ELMO1: variants seen among roughly 807,000 people sequenced by gnomAD.
The protein encoded by ELMO1 is engulfment and cell motility 1.
Under a neutral mutation model 98.9 loss-of-function variants are expected in ELMO1, and 26 were observed. That is an observed-to-expected ratio of 0.26 (90% CI 0.19 to 0.36). ELMO1 has a LOEUF of 0.36. Among genes scored for constraint, ELMO1 ranks in the 10% least tolerant of loss-of-function variants. The pLI is 1.00. For synonymous variants in ELMO1, 346 were observed against 346.0 expected (o/e 1.00, Z 0.00); for missense variants, 627 against 935.2 (o/e 0.67, Z 4.30).
intron 1 of ELMO1, among the ~76,000 whole-genome samples, chr7:37,372,119 C>T (rs559337259): frequency 4.6e-5 from 7 of 151,734 alleles, no homozygotes; most frequent in Non-Finnish European, 1.0e-4. Flanking sequence ...ATTGCCTCTG[C>T]TCAGTTTCAG....
chr7:37,367,262 C>T (rs753975498), intron 1 of ELMO1, among the ~76,000 whole-genome samples: 1 of 152,214 alleles, frequency 6.6e-6, no homozygotes. Flanking sequence ...CACACACATT[C>T]CCAGTAATCC....
chr7:37,214,822 A>T (rs1340748663), intron 11 of ELMO1, among the ~76,000 whole-genome samples: 1 of 152,226 alleles, frequency 6.6e-6, no homozygotes, highest in Non-Finnish European at 1.5e-5. Flanking sequence ...GCAGGAGAGT[A>T]CCAACCTCGA....
chr7:37,448,989 A>G (rs1465793274), upstream of ELMO1: 1 of 152,000 alleles, frequency 6.6e-6, no homozygotes, highest in African/African-American at 2.4e-5. Context: ...TCTCCTCCCG[A>G]GCGGACGCTG....
At chr7:37,072,008 T>C (rs1022117655) in intron 15 of ELMO1, among the ~76,000 whole-genome samples, 4 of 152,224 alleles carry the variant, frequency 2.6e-5, no homozygotes, top group Non-Finnish European at 5.9e-5. Context: ...CAAGTTCTTC[T>C]TGAGAATGAG....
At chr7:37,148,727 A>T (rs1008512463) in intron 13 of ELMO1, among the ~76,000 whole-genome samples, 3 of 152,156 alleles carry the variant, frequency 2.0e-5, no homozygotes, top group Admixed American at 1.3e-4. Context: ...TGCATGGGGG[A>T]TTTGGAACAA....
At chr7:37,322,080 G>A (rs951985354) in intron 2 of ELMO1, among the ~76,000 whole-genome samples, 4 of 151,582 alleles carry the variant, frequency 2.6e-5, no homozygotes, top group African/African-American at 7.3e-5. Context: ...GACTGGTCTC[G>A]AACTCCTGAC....
chr7:36,890,359 C>A (rs751920182), intron 17 of ELMO1, among the ~76,000 whole-genome samples: 3 of 152,218 alleles, frequency 2.0e-5, no homozygotes, highest in Non-Finnish European at 4.4e-5. Flanking sequence ...GAGATTCCTT[C>A]TTTGACTTGG....
chr7:37,130,531 G>A (rs1786845394), intron 14 of ELMO1, among the ~76,000 whole-genome samples: 1 of 152,194 alleles, frequency 6.6e-6, no homozygotes, highest in African/African-American at 2.4e-5. Context: ...TCAAGGGCAA[G>A]GCCAACGAGA....
intron 2 of ELMO1, among the ~76,000 whole-genome samples, chr7:37,323,668 T>A (rs1017123166): frequency 2.6e-5 from 4 of 152,238 alleles, no homozygotes; most frequent in Non-Finnish European, 5.9e-5. Context: ...CCAAATTCTC[T>A]ACCAGCTGAT....
intron 8 of ELMO1, 118 bp downstream of exon 8, chr7:37,232,977 C>T (rs1222296806): frequency 1.2e-6 from 1 of 864,706 alleles, no homozygotes. Context: ...AAAAATCATA[C>T]CCATCTTTTA....
At chr7:37,265,795 G>C (rs1796209702) in intron 5 of ELMO1, among the ~76,000 whole-genome samples, 1 of 152,082 alleles carries the variant, frequency 6.6e-6, no homozygotes, top group Admixed American at 6.6e-5. Flanking sequence ...TCCCCATGGT[G>C]ACCTCTTCCA....
intron 16 of ELMO1, among the ~76,000 whole-genome samples, chr7:37,003,974 C>G (rs1366557265): frequency 6.6e-6 from 1 of 152,138 alleles, no homozygotes; most frequent in East Asian, 1.9e-4. Context: ...CCTATGTGCT[C>G]TTCTGTTCTG....
chr7:37,211,910 AC>A (rs939893871), intron 12 of ELMO1, among the ~76,000 whole-genome samples: 3 of 152,306 alleles, frequency 2.0e-5, no homozygotes, highest in Admixed American at 2.0e-4. Flanking sequence ...GCCTCACCCC[AC>A]TAAGTTACTT....
At chr7:37,069,399 C>G (rs1178637992) in intron 15 of ELMO1, among the ~76,000 whole-genome samples, 2 of 152,142 alleles carry the variant, frequency 1.3e-5, no homozygotes, top group African/African-American at 4.8e-5. Context: ...AAAGTCAAAA[C>G]AAATCCACTC....
chr7:36,880,852 A>G (rs1022341104), intron 18 of ELMO1, among the ~76,000 whole-genome samples: 5 of 152,262 alleles, frequency 3.3e-5, no homozygotes, highest in African/African-American at 9.6e-5. Context: ...CAAAACAGCC[A>G]TCTTCCTTGC....
At chr7:37,276,706 T>C (rs1338001834) in intron 4 of ELMO1, among the ~76,000 whole-genome samples, 2 of 152,194 alleles carry the variant, frequency 1.3e-5, no homozygotes, top group African/African-American at 4.8e-5. Flanking sequence ...ATAAAAATAA[T>C]AGTACAATCT....
intron 15 of ELMO1, among the ~76,000 whole-genome samples, chr7:37,019,260 G>A (rs961329689): frequency 6.6e-6 from 1 of 152,358 alleles, no homozygotes; most frequent in South Asian, 2.1e-4. Context: ...ACATGAAGGG[G>A]TTGGCCTGCC....
chr7:36,902,178 T>C (rs1202933138), intron 16 of ELMO1, among the ~76,000 whole-genome samples: 1 of 152,248 alleles, frequency 6.6e-6, no homozygotes, highest in Admixed American at 6.5e-5. Flanking sequence ...TCCTCTCAAT[T>C]TCATCATGTG....
chr7:37,186,218 C>G (rs996193409), intron 13 of ELMO1, among the ~76,000 whole-genome samples: 18 of 152,094 alleles, frequency 1.2e-4, no homozygotes, highest in African/African-American at 4.3e-4. Flanking sequence ...GAAGAGAGAA[C>G]AGTTTTCAGC....
Sources: gnomAD v4.1 joint callset for allele counts (sites outside exome capture counted in the v4.1 genomes callset) on GRCh38, gnomAD v4.1.1 for gene constraint, MANE v1.5 for transcripts, NCBI Gene and HGNC (gene_info 2026-07-23, HGNC 2026-07-21) for gene names.